ADAMTS17: variants seen among roughly 807,000 people sequenced by gnomAD.
ADAMTS17 encodes the protein A disintegrin and metalloproteinase with thrombospondin motifs 17.
Under a neutral mutation model 141.5 loss-of-function variants are expected in ADAMTS17, and 113 were observed. The observed-to-expected ratio is 0.80, with a 90% CI of 0.69 to 0.93. The LOEUF (loss-of-function observed/expected upper bound fraction) is 0.93. ADAMTS17 is among the 40% of genes least tolerant of loss of function. The pLI, the probability that ADAMTS17 is intolerant of heterozygous loss-of-function variation, is 0.00. For missense variants in ADAMTS17, 1,659 were observed against 1,517.9 expected (o/e 1.09, Z -1.54); for synonymous variants, 768 against 630.6 (o/e 1.22, Z -3.27).
chr15:100,079,777 T>A (rs10152728), intron 15 of ADAMTS17, among the ~76,000 whole-genome samples: 23,632 of 151,982 alleles, frequency 0.16, 3,549 homozygotes, highest in African/African-American at 0.4. Flanking sequence ...CCGTGGAGTC[T>A]CGGAATGCCT....
intron 7 of ADAMTS17, 87 bp downstream of exon 7, chr15:100,254,049 G>A: frequency 7.7e-7 from 1 of 1,304,446 alleles, no homozygotes. Flanking sequence ...CTTGTTTGAG[G>A]ACAGCTCCTC....
intron 3 of ADAMTS17, among the ~76,000 whole-genome samples, chr15:100,284,104 T>TAAACAAACAAAC (rs150137293): frequency 4.6e-5 from 7 of 151,316 alleles, no homozygotes; most frequent in African/African-American, 1.5e-4. Context: ...GATTCCATCT[T>TAAACAAACAAAC]AAACAAACAA....
intron 7 of ADAMTS17, among the ~76,000 whole-genome samples, chr15:100,211,259 T>G (rs1303996105): frequency 1.4e-5 from 2 of 140,948 alleles, no homozygotes; most frequent in African/African-American, 5.3e-5. Context: ...CTGTGCCACT[T>G]CACTCCAGCC....
chr15:100,261,713 G>C, intron 5 of ADAMTS17, 77 bp from the exon 6 acceptor site: 1 of 1,508,908 alleles, frequency 6.6e-7, no homozygotes. Flanking sequence ...TGACAAGGAC[G>C]TTAAGGTGGA....
intron 3 of ADAMTS17, among the ~76,000 whole-genome samples, chr15:100,317,331 C>T (rs768377630): frequency 2.0e-5 from 3 of 152,114 alleles, no homozygotes; most frequent in Non-Finnish European, 4.4e-5. Flanking sequence ...GTAAAAGGGG[C>T]CCCATGGGCT....
intron 7 of ADAMTS17, among the ~76,000 whole-genome samples, chr15:100,218,158 C>CCA (rs1298817652): frequency 1.3e-4 from 20 of 152,158 alleles, no homozygotes; most frequent in African/African-American, 4.6e-4. Flanking sequence ...CAGGCGTGAG[C>CCA]CACTGCACTC....
chr15:100,053,824 A>C (rs1271023142), intron 16 of ADAMTS17, 73 bp downstream of exon 16: 1 of 1,612,044 alleles, frequency 6.2e-7, no homozygotes, highest in Non-Finnish European at 8.5e-7. Flanking sequence ...AGGCAGAAGT[A>C]AACTGGAAAG....
intron 14 of ADAMTS17, 50 bp downstream of exon 14, chr15:100,108,939 T>A: frequency 6.2e-7 from 1 of 1,610,420 alleles, no homozygotes; most frequent in Non-Finnish European, 8.5e-7. Flanking sequence ...CTGGGGAGAG[T>A]GAGTCTCCTC....
chr15:100,056,109 C>A (rs1019046732), intron 15 of ADAMTS17, among the ~76,000 whole-genome samples: 1 of 152,186 alleles, frequency 6.6e-6, no homozygotes, highest in African/African-American at 2.4e-5. Context: ...ATTCTATATA[C>A]CCTTACAACA....
At position 99,997,385 on chromosome 15, in the gene ADAMTS17, C is replaced by T; in HGVS notation, c.2796G>A (p.Gln932=). ...LSIWEASEWS[Q]CSASCGKGVW... is the part of the protein sequence containing the mutation. Reference sequence around the variant, plus strand: ...CCTGGTGGCAAGCCCAGGCACCCACCTGTGACCACTCAGACGCCTCCCAGA... The same window carrying T: ...CCTGGTGGCAAGCCCAGGCACCCACTTGTGACCACTCAGACGCCTCCCAGA... The change falls in exon 19 of 22, where the codon CAG becomes CAA. Residue 932 remains glutamine (Q), a splice_region_variant and synonymous_variant. Coordinates refer to ENST00000268070, the MANE Select transcript of ADAMTS17 (RefSeq NM_139057.4). The surrounding 1 kb of genome is among the most constrained non-coding windows in gnomAD (Gnocchi z 4.7). 1 of 1,613,768 alleles carries T rather than the reference C, an allele frequency of 6.2e-7. No individual in the cohort carries two copies. Among genetic ancestry groups the T allele is most frequent in the Non-Finnish European group, 8.5e-7 (1 of 1,180,012 alleles).
chr15:100,096,506 T>C (rs2035768838), intron 14 of ADAMTS17, 30 bp from the exon 15 acceptor site: 3 of 1,613,774 alleles, frequency 1.9e-6, no homozygotes, highest in East Asian at 2.2e-5. Flanking sequence ...CATTATTCTG[T>C]GGTTAAGACT....
At chr15:100,278,111 A>AAGT (rs1452822930) in intron 4 of ADAMTS17, among the ~76,000 whole-genome samples, 1 of 152,104 alleles carries the variant, frequency 6.6e-6, no homozygotes, top group Non-Finnish European at 1.5e-5. Context: ...CACAGATAGA[A>AAGT]AGTAGAATGG....
chr15:100,037,395 T>G (rs2030830194), intron 18 of ADAMTS17, among the ~76,000 whole-genome samples: 3 of 151,790 alleles, frequency 2.0e-5, no homozygotes, highest in African/African-American at 7.3e-5. Flanking sequence ...AGTAGCTCTT[T>G]AGGTATTCCT....
chr15:100,177,488 C>T (rs187271908), intron 8 of ADAMTS17, among the ~76,000 whole-genome samples: 8 of 152,150 alleles, frequency 5.3e-5, no homozygotes, highest in African/African-American at 1.7e-4. Flanking sequence ...AGTTTGATTC[C>T]ATTATAAGGT....
At chr15:100,083,931 G>C (rs535024157) in intron 15 of ADAMTS17, among the ~76,000 whole-genome samples, 2 of 152,046 alleles carry the variant, frequency 1.3e-5, no homozygotes, top group East Asian at 3.9e-4. Flanking sequence ...AAGAAGACGG[G>C]TGATTTCTGC....
At chr15:100,240,406 A>G (rs2042794668) in intron 7 of ADAMTS17, among the ~76,000 whole-genome samples, 1 of 152,220 alleles carries the variant, frequency 6.6e-6, no homozygotes, top group African/African-American at 2.4e-5. Context: ...TGGCCGAAGG[A>G]TTATTTTGAG....
chr15:100,024,645 G>A (rs2061471777), intron 18 of ADAMTS17, among the ~76,000 whole-genome samples: 1 of 152,166 alleles, frequency 6.6e-6, no homozygotes, highest in African/African-American at 2.4e-5. Flanking sequence ...GTTCTCTAGT[G>A]ACGATGCTTT....
chr15:100,267,299 T>A (rs890406152), intron 4 of ADAMTS17, among the ~76,000 whole-genome samples: 2 of 152,156 alleles, frequency 1.3e-5, no homozygotes, highest in Admixed American at 1.3e-4. Flanking sequence ...GTGGCGTGTG[T>A]GGGAATTTCC....
intron 18 of ADAMTS17, among the ~76,000 whole-genome samples, chr15:100,044,997 G>T (rs544649888): frequency 2.1e-4 from 32 of 151,954 alleles, no homozygotes; most frequent in Admixed American, 1.6e-3. Flanking sequence ...TAGTAGAGAT[G>T]GGGTTTCATC....
Sources: allele counts gnomAD v4.1 joint callset (sites outside exome capture counted in the v4.1 genomes callset), GRCh38; gene constraint gnomAD v4.1.1; non-coding constraint Gnocchi (gnomAD v3.1); transcripts MANE v1.5; gene names NCBI Gene and HGNC (gene_info 2026-07-23, HGNC 2026-07-21).